The following PADI3 variants were observed in gnomAD, a reference collection of about 807,000 sequenced individuals.
PADI3 encodes the protein peptidyl arginine deiminase 3.
In PADI3, 53 loss-of-function variants were observed where a neutral mutation model predicts 71.5. That is an observed-to-expected ratio of 0.74 (90% CI 0.59 to 0.93). The LOEUF (loss-of-function observed/expected upper bound fraction) is 0.93, where lower values mean the gene tolerates loss of function less well. Ranked by LOEUF, PADI3 falls within the 40% of genes least tolerant of loss-of-function variation. The pLI, the probability that PADI3 is intolerant of heterozygous loss-of-function variation, is 0.00. For synonymous variants in PADI3, 361 were observed against 347.5 expected (o/e 1.04, Z -0.43); for missense variants, 821 against 868.0 (o/e 0.95, Z 0.68).
rs191923066 is a variant in PADI3, at chr1:17,269,728, C to T, written c.653-505C>T. Among the ~76,000 whole-genome samples the T allele has an allele frequency of 2.0e-5, 3 of 152,212 alleles. No individual in the cohort carries two copies. The East Asian group carries it at 5.8e-4, about 29-fold the overall frequency. On this transcript the variant is annotated intron_variant, in intron 6 of 15. Coordinates refer to ENST00000375460, the MANE Select transcript of PADI3 (RefSeq NM_016233.2). ...CGCCTCCTGGGTTCAAGCAATCCTC[C>T]TGCCTAAGCCTCCTGAGTAGCTGGG...
At chr1:17,280,276 G>A in intron 13 of PADI3, 74 bp from the exon 14 acceptor site, 1 of 1,189,366 alleles carries the variant, frequency 8.4e-7, no homozygotes, top group Non-Finnish European at 1.3e-6. Context: ...GCTCCTGCCT[G>A]TCTGCTTCCC....
chr1:17,264,330 GTA>G (rs1491161566), intron 3 of PADI3, among the ~76,000 whole-genome samples: 14 of 112,138 alleles, frequency 1.2e-4, no homozygotes, highest in African/African-American at 4.4e-4. Flanking sequence ...TAAAGCATAT[GTA>G]CACACACACA....
chr1:17,275,952 A>G (rs2073324497), intron 11 of PADI3, among the ~76,000 whole-genome samples: 1 of 152,122 alleles, frequency 6.6e-6, no homozygotes, highest in South Asian at 2.1e-4. Flanking sequence ...ATTTTCCTGG[A>G]TGGTGGGACC....
In PADI3 at chr1:17,283,392, A is replaced by C; in HGVS notation, c.*313A>C. The C allele has an allele frequency of 3.1e-6, 1 of 324,114 alleles. No individual in the cohort carries two copies. 20.1% of individuals were successfully genotyped at this position (324,114 alleles called of 1,614,324 possible). A position where few individuals can be genotyped will look rare whatever the true frequency, so the allele number is the denominator to read the frequency against. ...TCTGAAATCATCCATTTGGGGACAA[A>C]TCCACATTGGGGTCTAGAAACATCC... On this transcript the variant is annotated 3_prime_UTR_variant, in exon 16 of 16. Transcript: ENST00000375460.
intron 13 of PADI3, among the ~76,000 whole-genome samples, chr1:17,279,029 AATT>A (rs753338926): frequency 6.6e-6 from 1 of 152,088 alleles, no homozygotes; most frequent in Non-Finnish European, 1.5e-5. Context: ...CTTAAATCCA[AATT>A]ATGTACCAGG....
At chr1:17,269,464 G>C (rs2073216465) in intron 6 of PADI3, among the ~76,000 whole-genome samples, 1 of 152,152 alleles carries the variant, frequency 6.6e-6, no homozygotes, top group South Asian at 2.1e-4. Flanking sequence ...TTGAGGTCAG[G>C]GGCTTTGTTC....
rs570389635 is a variant in PADI3 at position 17,276,559 on chromosome 1, C to T, written c.1348C>T (p.Leu450Phe). The T allele has an allele frequency of 4.3e-6, 7 of 1,614,196 alleles. No individual in the cohort carries two copies. The East Asian group carries it at 1.3e-4, about 31-fold the overall frequency. The change falls in exon 12 of 16, where the codon CTC becomes TTC. Residue 450 changes from leucine (L) to phenylalanine (F), a missense_variant. Coordinates refer to ENST00000375460, the MANE Select transcript of PADI3 (RefSeq NM_016233.2). The part of the protein sequence containing the change: ...RRVTQVVRDF[L>F]HAQKVQPPVE... ...GGTCACCCAGGTGGTGCGGGACTTC[C>T]TCCATGCCCAGAAGGTGCAGCCCCC...
intron 9 of PADI3, among the ~76,000 whole-genome samples, chr1:17,272,380 T>C (rs1040324061): frequency 6.6e-6 from 1 of 152,120 alleles, no homozygotes; most frequent in Non-Finnish European, 1.5e-5. Context: ...AGTGAGAGGG[T>C]TTGGGGCAGG....
chr1:17,266,869 C>A, intron 5 of PADI3, 33 bp downstream of exon 5: 4 of 1,507,208 alleles, frequency 2.7e-6, no homozygotes, highest in Non-Finnish European at 2.8e-6. Flanking sequence ...CCCTGGGTGT[C>A]CAGGGTCACT....
chr1:17,271,050 C>T lies in PADI3; in HGVS notation c.936-17C>T. On this transcript the variant is annotated splice_polypyrimidine_tract_variant and intron_variant, in intron 8 of 15. Coordinates refer to ENST00000375460, the MANE Select transcript of PADI3 (RefSeq NM_016233.2). ...CCGGCTCCATCCTGAGCCCCTCTTC[C>T]CTGGGCTTGTCCGTAGTGTGAGGAA... The T allele has an allele frequency of 7.4e-6, 12 of 1,614,018 alleles. No homozygotes were observed. The highest frequency in any genetic ancestry group is 1.0e-5 in the Non-Finnish European group (12 of 1,179,888).
At position 17,276,603 on chromosome 1, in the gene PADI3, C is replaced by T; in HGVS notation, c.1392C>T (p.Asp464=). ...KVQPPVELFV[D]WLAVGHVDEF... is the part of the protein sequence containing the mutation. ...AGCCCCCCGTGGAGCTCTTTGTGGACTGGTTGGCCGTGGGCCATGTGGATG... is the reference window on the plus strand; with the variant it reads ...AGCCCCCCGTGGAGCTCTTTGTGGATTGGTTGGCCGTGGGCCATGTGGATG... The change falls in exon 12 of 16, where the codon GAC becomes GAT. Residue 464 remains aspartate (D), a synonymous_variant. Coordinates refer to ENST00000375460, the MANE Select transcript of PADI3 (RefSeq NM_016233.2). 6.2e-7 allele frequency: 1 copy of T among 1,614,180 alleles called. No individual in the cohort carries two copies. The highest frequency in any genetic ancestry group is 8.5e-7 in the Non-Finnish European group (1 of 1,180,036).
intron 3 of PADI3, among the ~76,000 whole-genome samples, chr1:17,264,050 C>T (rs2073133615): frequency 6.6e-6 from 1 of 152,140 alleles, no homozygotes; most frequent in Admixed American, 6.6e-5. Context: ...TATTTTTTAA[C>T]TTGATAGATA....
intron 1 of PADI3, among the ~76,000 whole-genome samples, chr1:17,252,400 CTT>C (rs55649122): frequency 0.13 from 15,931 of 118,914 alleles, 926 homozygotes; most frequent in African/African-American, 0.19. Flanking sequence ...TTTTCTTCTT[CTT>C]TTTTTTTTTT....
At chr1:17,249,970 A>G (rs959869342) in intron 1 of PADI3, among the ~76,000 whole-genome samples, 1 of 152,186 alleles carries the variant, frequency 6.6e-6, no homozygotes, top group Admixed American at 6.5e-5. Flanking sequence ...TAGACACTCA[A>G]TGCCCATGCA....
chr1:17,278,206 G>A (rs2977299), intron 13 of PADI3, among the ~76,000 whole-genome samples: 1 of 152,070 alleles, frequency 6.6e-6, no homozygotes, highest in African/African-American at 2.4e-5. Context: ...GTACTCTTTT[G>A]TCTGCTCTTT....
At chr1:17,270,552 G>A (rs748130466) in intron 7 of PADI3, 141 bp downstream of exon 7, 5 of 837,248 alleles carry the variant, frequency 6.0e-6, no homozygotes, top group African/African-American at 1.7e-5. Context: ...GGAGGCTGAG[G>A]TGGGAGGATC....
At chr1:17,280,201 AACCC>A in intron 13 of PADI3, 145 bp from the exon 14 acceptor site, 1 of 674,168 alleles carries the variant, frequency 1.5e-6, no homozygotes, top group Non-Finnish European at 2.7e-6. Context: ...AGACAGGTGG[AACCC>A]ACCCAAGGCC....
At chr1:17,267,747 C>A in intron 5 of PADI3, 90 bp from the exon 6 acceptor site, 1 of 1,487,772 alleles carries the variant, frequency 6.7e-7, no homozygotes, top group Non-Finnish European at 9.1e-7. Flanking sequence ...GTCTTGATAC[C>A]CACTGACCTG....
chr1:17,282,970 C>T lies in PADI3; in HGVS notation c.1886C>T (p.Thr629Ile), dbSNP rs1440712545. 1 of 1,614,208 alleles carries T rather than the reference C, an allele frequency of 6.2e-7. No individual in the cohort carries two copies. The highest frequency in any genetic ancestry group is 1.1e-5 in the South Asian group (1 of 91,084). Reference protein sequence around the residue: ...SLLEPLGLHCTFIDDFTPYHM... With the variant: ...SLLEPLGLHCIFIDDFTPYHM... The stretch of plus-strand genomic sequence containing the variant: ...CTGGAGCCGCTGGGCCTCCACTGCA[C>T]CTTCATTGATGACTTCACTCCATAC... The change falls in exon 16 of 16, where the codon ACC (threonine) becomes ATC (isoleucine). Residue 629 changes from threonine to isoleucine, a missense_variant. By Grantham distance (89) the Thr-to-Ile change is moderately conservative. Transcript: ENST00000375460.
Sources: allele counts gnomAD v4.1 joint callset (sites outside exome capture counted in the v4.1 genomes callset), GRCh38; gene constraint gnomAD v4.1.1; transcripts MANE v1.5; gene names NCBI Gene and HGNC (gene_info 2026-07-23, HGNC 2026-07-21).